TRPM4: variants seen among roughly 807,000 people sequenced by gnomAD.
TRPM4 encodes transient receptor potential cation channel subfamily M member 4.
A neutral mutation model predicts 135.6 loss-of-function variants in TRPM4; 124 were observed. The observed-to-expected ratio is 0.91, with a 90% confidence interval of 0.79 to 1.06. The LOEUF is 1.06. Ranked by LOEUF, TRPM4 falls within the 50% of genes least tolerant of loss-of-function variation. The probability of loss-of-function intolerance (pLI) is 0.00; values close to 1 mark genes in which losing one functional copy is unlikely to be tolerated. For missense variants in TRPM4, 1,658 were observed against 1,671.4 expected, an observed-to-expected ratio of 0.99 and a Z score of 0.14; for synonymous variants, 745 against 705.6, an observed-to-expected ratio of 1.06 and a Z score of -0.88.
chr19:49,210,612 G>A lies in TRPM4; in HGVS notation c.3329-98G>A. 2 of 1,582,782 alleles carry A rather than the reference G, an allele frequency of 1.3e-6. No individual in the cohort carries two copies. Among genetic ancestry groups the A allele is most frequent in the Admixed American group, 1.7e-5 (1 of 59,012 alleles). On this transcript the variant is annotated intron_variant, in intron 21 of 24. Transcript: ENST00000252826. This position sits in a 1 kb window ranked among gnomAD's most constrained non-coding sequence, Gnocchi z 4.1. ...CATGTTCTCGAATCACCAGGGGCTG[G>A]GTCTGGGATAGCGTGCGTGTTCTGA...
At chr19:49,161,544 A>G (rs1364719251) in intron 2 of TRPM4, among the ~76,000 whole-genome samples, 1 of 151,432 alleles carries the variant, frequency 6.6e-6, no homozygotes, top group Non-Finnish European at 1.5e-5. Context: ...CCAGGCTGGT[A>G]TCCAACTCCT....
chr19:49,196,376 T>C, intron 16 of TRPM4, 64 bp from the exon 17 acceptor site: 1 of 1,410,034 alleles, frequency 7.1e-7, no homozygotes, highest in Non-Finnish European at 9.4e-7. Context: ...GTCTCGATGA[T>C]GGTGGAGATC....
At position 49,196,658 on chromosome 19, in the gene TRPM4, C is replaced by T; in HGVS notation, c.2429C>T (p.Pro810Leu). 2 of 1,546,812 alleles carry T rather than the reference C, an allele frequency of 1.3e-6. No individual in the cohort carries two copies. Among genetic ancestry groups the T allele is most frequent in the Non-Finnish European group, 1.7e-6 (2 of 1,150,020 alleles). The change falls in exon 17 of 25, where the codon CCC becomes CTC. Residue 810 changes from proline (P) to leucine (L), a missense_variant. Pro to Leu is a moderately conservative substitution (Grantham distance 98). Around this residue, in one of 3 missense-constraint regions of TRPM4, gnomAD observed 1,412 missense variants for 1,408.7 expected, o/e 1.00. Transcript: ENST00000252826. ...CTCGTGGATTTCCAGCCGGCGCCGC[C>T]CGGCTCCCTGGAGCTGCTGCTCTAT... ...VLLVDFQPAP[P>L]GSLELLLYFW... is the part of the protein sequence containing the mutation.
chr19:49,159,596 C>A (rs1248583329), intron 2 of TRPM4: 3 of 152,118 alleles, frequency 2.0e-5, no homozygotes, highest in Admixed American at 6.6e-5. Context: ...AGTTCTCATG[C>A]CTCAGCCTCC....
chr19:49,182,716 C>T lies in TRPM4; in HGVS notation c.1402C>T (p.Pro468Ser), dbSNP rs1334187801. 4 of 1,614,118 alleles carry T rather than the reference C, an allele frequency of 2.5e-6. No homozygotes were observed. In the Admixed American group the frequency reaches 5.0e-5, roughly 20 times the overall value. Residue 468 changes from proline to serine, a missense_variant, in exon 11 of 25, where the codon CCC (proline) becomes TCC (serine). Pro to Ser is a moderately conservative substitution (Grantham distance 74). Around this residue, in one of 3 missense-constraint regions of TRPM4, gnomAD observed 1,412 missense variants for 1,408.7 expected, o/e 1.00. Transcript: ENST00000252826. ...MRLAQLYSAA[P>S]SNSLIRNLLD... ...CCTGGCCCAACTCTACAGCGCGGCG[C>T]CCTCCAACTCGCTCATCCGCAACCT...
Position 49,196,747 on chromosome 19 carries a change from C to T in TRPM4, c.2518C>T (p.Leu840Phe). The change falls in exon 17 of 25, where the codon CTC (leucine) becomes TTC (phenylalanine). Residue 840 changes from leucine (L) to phenylalanine (F), a missense_variant. Leu to Phe is a conservative substitution (Grantham distance 22). Transcript: ENST00000252826. ...RQGLSGGGGSLASGGPGPGHA... is the reference protein window; with the variant it reads ...RQGLSGGGGSFASGGPGPGHA... Reference sequence around the variant, plus strand: ...GGGCCTGAGCGGAGGCGGGGGCAGCCTCGCCAGCGGGGGCCCCGGGCCTGG... The same window carrying T: ...GGGCCTGAGCGGAGGCGGGGGCAGCTTCGCCAGCGGGGGCCCCGGGCCTGG... 1 of 1,549,164 alleles carries T rather than the reference C, an allele frequency of 6.5e-7. No homozygotes were observed. The highest frequency in any genetic ancestry group is 8.7e-7 in the Non-Finnish European group (1 of 1,153,818).
rs1039309224 is a variant in TRPM4, at chr19:49,193,280, C to A, written c.2210+2507C>A. 4.6e-5 allele frequency among the ~76,000 whole-genome samples: 7 copies of A among 151,768 alleles called. No homozygotes were observed. In the South Asian group the frequency reaches 1.5e-3, roughly 32 times the overall value. On this transcript the variant is annotated intron_variant, in intron 16 of 24. Transcript: ENST00000252826. ...GTATTTTTAGTAGAGCTGGGGTTTC[C>A]CCGTGTTAGCCAGGATGGTCTCGAT... is the stretch of plus-strand genomic sequence containing the variant.
At chr19:49,209,991 C>T (rs751472547) in intron 20 of TRPM4, among the ~76,000 whole-genome samples, 16 of 152,224 alleles carry the variant, frequency 1.1e-4, no homozygotes, top group Non-Finnish European at 1.8e-4. Context: ...TGAGGTGATC[C>T]GCCCACTCCG....
At chr19:49,205,117 G>T in intron 20 of TRPM4, among the ~76,000 whole-genome samples, 1 of 151,308 alleles carries the variant, frequency 6.6e-6, no homozygotes, top group African/African-American at 2.4e-5. Flanking sequence ...CCCCTGTGCT[G>T]GACCTATTGT....
At chr19:49,182,957 G>A (rs762859351) in intron 11 of TRPM4, 35 bp downstream of exon 11, 6 of 1,583,914 alleles carry the variant, frequency 3.8e-6, no homozygotes, top group East Asian at 2.3e-5. Flanking sequence ...GCCCCCCCGC[G>A]CGGGAAGGAC....
At chr19:49,201,162 G>T (rs1600517651) in intron 19 of TRPM4, among the ~76,000 whole-genome samples, 1 of 152,048 alleles carries the variant, frequency 6.6e-6, no homozygotes. Context: ...AGAGTACACG[G>T]AACAAAGGAG....
intron 12 of TRPM4, among the ~76,000 whole-genome samples, chr19:49,187,622 G>A (rs59404317): frequency 0.022 from 3,326 of 152,208 alleles, 134 homozygotes; most frequent in African/African-American, 0.076. Flanking sequence ...ATGGGTTCAC[G>A]TTGCCCGCTG....
At chr19:49,202,265 C>T in intron 20 of TRPM4, 124 bp downstream of exon 20, 2 of 1,190,930 alleles carry the variant, frequency 1.7e-6, no homozygotes, top group African/African-American at 1.5e-5. Context: ...TCTAATGCTG[C>T]CTTCTCCCCA....
chr19:49,179,557 C>T (rs1356921830), intron 9 of TRPM4, among the ~76,000 whole-genome samples: 1 of 149,646 alleles, frequency 6.7e-6, no homozygotes, highest in Non-Finnish European at 1.5e-5. Flanking sequence ...ACCGTGTTAC[C>T]CAGGCTGGTC....
rs75346702 is a variant in TRPM4 at position 49,190,609 on chromosome 19, C to T, written c.2133-87C>T. The T allele has an allele frequency of 5.1e-3, 6,981 of 1,365,420 alleles. 155 individuals are homozygous for T. The African/African-American group carries it at 0.059, about 12-fold the overall frequency. 84.6% of individuals were successfully genotyped at this position (1,365,420 alleles called of 1,614,324 possible). A position where few individuals can be genotyped will look rare whatever the true frequency, so the allele number is the denominator to read the frequency against. ...CCTCTCTGTCCCTCTGCCATGTCTC[C>T]GGGTGAAGAAGTTTGAGTTTTGCTG... On this transcript the variant is annotated intron_variant, in intron 15 of 24. Coordinates refer to ENST00000252826, the MANE Select transcript of TRPM4 (RefSeq NM_017636.4).
rs541567239 is a variant in TRPM4 at position 49,199,712 on chromosome 19, T to C, written c.2646-588T>C. Among the ~76,000 whole-genome samples the C allele has an allele frequency of 6.6e-5, 10 of 151,600 alleles. 1 individual carries two copies. In the South Asian group the frequency reaches 2.1e-3, roughly 32 times the overall value. ...TGGCTTGTCTTTTCACTTTCACTTT[T>C]GTATGTTTCTTTTCTTTTCTTTTTT... On this transcript the variant is annotated intron_variant, in intron 17 of 24. Transcript: ENST00000252826.
intron 20 of TRPM4, among the ~76,000 whole-genome samples, chr19:49,206,464 A>T: frequency 6.9e-6 from 1 of 143,908 alleles, no homozygotes; most frequent in South Asian, 2.2e-4. Flanking sequence ...TTTGAGACAG[A>T]GTTTCACTCT....
chr19:49,171,466 G>T lies in TRPM4; in HGVS notation c.858+48G>T, dbSNP rs754419823. 3.7e-6 allele frequency: 6 copies of T among 1,612,102 alleles called. No individual in the cohort carries two copies. The highest frequency in any genetic ancestry group is 5.1e-6 in the Non-Finnish European group (6 of 1,178,358). ...ATCTAAGGGGGAAGGAGGGTTGGGG[G>T]CCAGGACTCCTGGGTCCTGAGTCTT... On this transcript the variant is annotated intron_variant, in intron 7 of 24. Coordinates refer to ENST00000252826, the MANE Select transcript of TRPM4 (RefSeq NM_017636.4). The surrounding 1 kb of genome is among the most constrained non-coding windows in gnomAD (Gnocchi z 4.7).
intron 12 of TRPM4, among the ~76,000 whole-genome samples, chr19:49,185,767 G>T (rs760530821): frequency 1.3e-5 from 2 of 151,398 alleles, no homozygotes; most frequent in East Asian, 1.9e-4. Flanking sequence ...TTGGGGGGAG[G>T]GGGGATGGAG....
Sources: gnomAD v4.1 joint callset for allele counts (sites outside exome capture counted in the v4.1 genomes callset) on GRCh38, gnomAD v4.1.1 for gene constraint, gnomAD v4.1.1 regional missense constraint, Gnocchi (gnomAD v3.1) non-coding constraint, MANE v1.5 for transcripts, NCBI Gene and HGNC (gene_info 2026-07-23, HGNC 2026-07-21) for gene names.